Variants in MORN3 observed in about 807,000 individuals in gnomAD.
MORN3 encodes the protein MORN repeat containing 3.
Under a neutral mutation model 34.7 loss-of-function variants are expected in MORN3, and 38 were observed. The ratio of observed to expected loss-of-function variants is 1.10; its 90% CI spans 0.85 to 1.44. The LOEUF (loss-of-function observed/expected upper bound fraction) is 1.44. Among genes scored for constraint, MORN3 ranks in the 40% most tolerant of loss-of-function variants. The pLI, the probability that MORN3 is intolerant of heterozygous loss-of-function variation, is 0.00. For synonymous variants in MORN3, 109 were observed against 115.3 expected, an observed-to-expected ratio of 0.95 and a Z score of 0.35; for missense variants, 311 against 321.7, an observed-to-expected ratio of 0.97 and a Z score of 0.25.
intron 2 of MORN3, among the ~76,000 whole-genome samples, chr12:121,658,274 A>C (rs1347827833): frequency 6.6e-6 from 1 of 152,048 alleles, no homozygotes; most frequent in Non-Finnish European, 1.5e-5. Flanking sequence ...CTGAATATTA[A>C]ATGTGTTTCA....
intron 3 of MORN3, among the ~76,000 whole-genome samples, chr12:121,653,601 G>T (rs1893316915): frequency 6.6e-6 from 1 of 152,060 alleles, no homozygotes. Flanking sequence ...TCCGCCTCCC[G>T]AGTTCAAGTG....
At chr12:121,654,057 C>T (rs546665558) in intron 3 of MORN3, among the ~76,000 whole-genome samples, 1 of 152,184 alleles carries the variant, frequency 6.6e-6, no homozygotes, top group East Asian at 1.9e-4. Context: ...GGTGCGTGTC[C>T]TAAAAATTTC....
At chr12:121,659,502 G>A (rs1893516626) in intron 1 of MORN3, among the ~76,000 whole-genome samples, 154 bp from the exon 2 acceptor site, 1 of 151,836 alleles carries the variant, frequency 6.6e-6, no homozygotes, top group East Asian at 1.9e-4. Context: ...CCAGGAGAAG[G>A]CCAGGAAAGT....
upstream of MORN3, chr12:121,669,675 C>T: frequency 1.4e-6 from 1 of 699,934 alleles, no homozygotes; most frequent in Non-Finnish European, 2.2e-6. Flanking sequence ...TGGCCCCTCC[C>T]TTGCCTCTCC....
chr12:121,667,846 C>T (rs952531716), intron 1 of MORN3, among the ~76,000 whole-genome samples: 1 of 151,926 alleles, frequency 6.6e-6, no homozygotes, highest in African/African-American at 2.4e-5. Context: ...GCCTCAGCCT[C>T]CCGAGTAGCT....
intron 1 of MORN3, among the ~76,000 whole-genome samples, chr12:121,664,841 GT>G (rs58324239): frequency 0.17 from 11,681 of 69,202 alleles, 577 homozygotes; most frequent in Non-Finnish European, 0.19. Context: ...AAAACAACCT[GT>G]TTTTTTTTTT....
intron 2 of MORN3, 112 bp downstream of exon 2, chr12:121,659,079 A>C: frequency 8.7e-4 from 988 of 1,132,100 alleles, no homozygotes; most frequent in Non-Finnish European, 1.1e-3. Context: ...TCCTCCCTGT[A>C]GACCTCCCCT....
At chr12:121,658,291 G>A (rs1381820916) in intron 2 of MORN3, among the ~76,000 whole-genome samples, 1 of 152,124 alleles carries the variant, frequency 6.6e-6, no homozygotes, top group East Asian at 1.9e-4. Flanking sequence ...TTCAGGCCGG[G>A]CGCGGTGGCT....
chr12:121,661,317 G>C (rs1893574059), intron 1 of MORN3, among the ~76,000 whole-genome samples: 1 of 152,118 alleles, frequency 6.6e-6, no homozygotes. Flanking sequence ...TTGAACTCTT[G>C]AGCTAAAGAG....
intron 1 of MORN3, among the ~76,000 whole-genome samples, chr12:121,661,094 C>T (rs1234138170): frequency 6.6e-6 from 1 of 151,912 alleles, no homozygotes; most frequent in Non-Finnish European, 1.5e-5. Context: ...TAGCTGAGAC[C>T]ACAGGTGCAT....
intron 2 of MORN3, among the ~76,000 whole-genome samples, chr12:121,658,848 G>A (rs1566481860): frequency 6.6e-6 from 1 of 152,026 alleles, no homozygotes. Flanking sequence ...GCAGAAAGGG[G>A]ATTCTCAGAA....
chr12:121,671,880 C>CAA (rs35496122), upstream of MORN3, among the ~76,000 whole-genome samples: 2 of 132,610 alleles, frequency 1.5e-5, no homozygotes, highest in Non-Finnish European at 3.4e-5. Flanking sequence ...AACTCCGTCT[C>CAA]AAAAAAAAAA....
intron 1 of MORN3, 121 bp from the exon 2 acceptor site, chr12:121,659,469 G>T: frequency 1.1e-6 from 1 of 924,836 alleles, no homozygotes; most frequent in Non-Finnish European, 1.7e-6. Context: ...CAGGCTCTGC[G>T]CATCATCCTA....
In MORN3 at chr12:121,649,946, C is replaced by A. The variant is rs1893213828; in HGVS notation, c.*1705G>T. The stretch of plus-strand genomic sequence containing the variant: ...GTCTCTACTCACTCAATGCCAGTAG[C>A]CTTCTTCCTGCCTGTTGTGACATCA... On this transcript the variant is annotated 3_prime_UTR_variant, in exon 6 of 6. Coordinates refer to ENST00000355329, the MANE Select transcript of MORN3 (RefSeq NM_173855.5). 1 of 150,134 alleles carries A rather than the reference C, an allele frequency of 6.7e-6. No homozygotes were observed. The highest frequency in any genetic ancestry group is 1.5e-5 in the Non-Finnish European group (1 of 67,856). The allele number at this position is 150,134 out of a possible 1,614,324, so 9.3% of individuals were successfully genotyped here. A position where few individuals can be genotyped will look rare whatever the true frequency, so the allele number is the denominator to read the frequency against.
At chr12:121,666,106 G>A (rs1435310914) in intron 1 of MORN3, among the ~76,000 whole-genome samples, 2 of 152,118 alleles carry the variant, frequency 1.3e-5, no homozygotes, top group African/African-American at 2.4e-5. Flanking sequence ...AAGGTGGGCA[G>A]ATCACTTGAG....
chr12:121,669,506 GAGGGTGCTGGAA>G lies in MORN3; in HGVS notation c.-35_-24del, dbSNP rs1461876661. On this transcript the variant is annotated 5_prime_UTR_variant, in exon 1 of 6. Transcript: ENST00000355329. ...CATGGTGGCTGCTTCTGCAAGGCTG[GAGGGTGCTGGAA>G]AGGGGTTAGGGACATCTGGGGCTCA... is the stretch of plus-strand genomic sequence containing the variant. The G allele has an allele frequency of 6.2e-7, 1 of 1,612,126 alleles. No individual in the cohort carries two copies. Among genetic ancestry groups the G allele is most frequent in the Non-Finnish European group, 8.5e-7 (1 of 1,178,834 alleles).
upstream of MORN3, among the ~76,000 whole-genome samples, chr12:121,670,150 C>CTTAA (rs1380446834): frequency 1.3e-5 from 2 of 152,014 alleles, no homozygotes; most frequent in East Asian, 3.9e-4. Context: ...GCTGGGATTA[C>CTTAA]AGGCATGAGC....
Position 121,652,783 on chromosome 12 carries a change from A to T in MORN3, c.674T>A (p.Val225Glu). Residue 225 changes from valine to glutamate, a missense_variant, in exon 5 of 6, where the codon GTG becomes GAG. Physicochemically the swap from Val to Glu is moderately radical, Grantham distance 121 (BLOSUM62 -2). Transcript: ENST00000355329. Reference sequence around the variant, plus strand: ...GAACATGGCCAAGGCCTCCGCCAGCACACCATCAGGGTCTAGGATTTTGAC... The same window carrying T: ...GAACATGGCCAAGGCCTCCGCCAGCTCACCATCAGGGTCTAGGATTTTGAC... Reference protein sequence around the residue: ...PEVKILDPDGVLAEALAMFRK... With the variant: ...PEVKILDPDGELAEALAMFRK... 1.9e-6 allele frequency: 3 copies of T among 1,614,242 alleles called. No individual in the cohort carries two copies. The highest frequency in any genetic ancestry group is 2.5e-6 in the Non-Finnish European group (3 of 1,180,034).
Position 121,653,270 on chromosome 12 carries a change from G to A in MORN3, c.464-11C>T. On this transcript the variant is annotated splice_polypyrimidine_tract_variant and intron_variant, in intron 3 of 5. Transcript: ENST00000355329. ...AGCGGTTCCCGTTCTCTGGGGGAAA[G>A]GACAGGGAGGTGTGGTGCAGGGTAC... 1 of 1,612,568 alleles carries A rather than the reference G, an allele frequency of 6.2e-7. No individual in the cohort carries two copies. Among genetic ancestry groups the A allele is most frequent in the Non-Finnish European group, 8.5e-7 (1 of 1,179,334 alleles).
Sources: gnomAD v4.1 joint callset for allele counts (sites outside exome capture counted in the v4.1 genomes callset) on GRCh38, gnomAD v4.1.1 for gene constraint, MANE v1.5 for transcripts, NCBI Gene and HGNC (gene_info 2026-07-23, HGNC 2026-07-21) for gene names.